Variants in HERPUD2 observed in about 807,000 individuals in gnomAD.
HERPUD2 encodes the protein HERPUD family member 2, also known as homocysteine-responsive endoplasmic reticulum-resident ubiquitin-like domain member 2 protein.
In HERPUD2, 13 loss-of-function variants were observed where a neutral mutation model predicts 49.9. That is an observed-to-expected ratio of 0.26 (90% CI 0.17 to 0.41). The LOEUF (loss-of-function observed/expected upper bound fraction) is 0.41. Among genes scored for constraint, HERPUD2 ranks in the 10% least tolerant of loss-of-function variants. HERPUD2 has a pLI of 1.00. For missense variants in HERPUD2, 449 were observed against 492.2 expected (o/e 0.91, Z 0.83); for synonymous variants, 172 against 171.4 (o/e 1.00, Z -0.03).
At chr7:35,668,426 T>C (rs547763345) in intron 4 of HERPUD2, 15 of 152,782 alleles carry the variant, frequency 9.8e-5, no homozygotes, top group Non-Finnish European at 1.8e-4. Flanking sequence ...AAGTGTTTCA[T>C]GTACATTTAA....
chr7:35,683,178 A>T (rs1785952664), intron 2 of HERPUD2, among the ~76,000 whole-genome samples: 1 of 152,208 alleles, frequency 6.6e-6, no homozygotes, highest in Non-Finnish European at 1.5e-5. Context: ...ACTATACTAC[A>T]AGGCCATAGT....
At chr7:35,692,643 T>A (rs891848251) in intron 2 of HERPUD2, among the ~76,000 whole-genome samples, 1 of 151,940 alleles carries the variant, frequency 6.6e-6, no homozygotes, top group African/African-American at 2.4e-5. Flanking sequence ...TTCCTCAGGG[T>A]TTTTTTTCCC....
chr7:35,672,984 C>A (rs188985552), intron 3 of HERPUD2, among the ~76,000 whole-genome samples: 1 of 152,098 alleles, frequency 6.6e-6, no homozygotes, highest in Non-Finnish European at 1.5e-5. Flanking sequence ...AATACATAAT[C>A]GTACTTCAGA....
Position 35,638,439 on chromosome 7 carries a change from A to G in HERPUD2, c.528T>C (p.Ala176=), listed in dbSNP as rs1488186618. 1.2e-6 allele frequency: 2 copies of G among 1,613,646 alleles called. No individual in the cohort carries two copies. Among genetic ancestry groups the G allele is most frequent in the Non-Finnish European group, 1.7e-6 (2 of 1,179,728 alleles). Residue 176 remains alanine, a synonymous_variant, in exon 6 of 9, where the codon GCT becomes GCC. Coordinates refer to ENST00000311350, the MANE Select transcript of HERPUD2 (RefSeq NM_022373.5). ...CGGGATACACTGGGAATCCAGGTGGAGCAGCTTGCCCAGGAAATTGGTTGT... is the reference window on the plus strand; with the variant it reads ...CGGGATACACTGGGAATCCAGGTGGGGCAGCTTGCCCAGGAAATTGGTTGT... ...NVDNQFPGQA[A]PPGFPVYPAF...
intron 5 of HERPUD2, among the ~76,000 whole-genome samples, chr7:35,650,827 T>C (rs1785150124): frequency 6.6e-6 from 1 of 152,156 alleles, no homozygotes; most frequent in African/African-American, 2.4e-5. Context: ...CCGAGCACTG[T>C]ACTGGAAGTC....
intron 5 of HERPUD2, among the ~76,000 whole-genome samples, chr7:35,650,175 C>T (rs968757634): frequency 2.6e-5 from 4 of 152,180 alleles, no homozygotes; most frequent in African/African-American, 9.7e-5. Flanking sequence ...GATGATCACA[C>T]TTCCAGTAGA....
chr7:35,640,078 T>C (rs777362984), intron 5 of HERPUD2, among the ~76,000 whole-genome samples: 5 of 152,190 alleles, frequency 3.3e-5, no homozygotes, highest in Non-Finnish European at 7.3e-5. Context: ...AAGATGTCAG[T>C]TAGTGAGCAA....
At position 35,633,962 on chromosome 7, in the gene HERPUD2, G is replaced by A. The variant is rs1784829688; in HGVS notation, c.1060-111C>T. On this transcript the variant is annotated intron_variant, in intron 8 of 8. Transcript: ENST00000311350. ...CAAAGGACTATGAAGTGGTATGTAT[G>A]TGGTCATTAGAAATCTTTAAGGCCA... 2.4e-5 allele frequency: 27 copies of A among 1,128,008 alleles called. No homozygotes were observed. The South Asian group carries it at 4.6e-4, about 19-fold the overall frequency. 69.9% of individuals were successfully genotyped at this position (1,128,008 alleles called of 1,614,324 possible).
At chr7:35,693,400 C>A (rs1387897877) in intron 2 of HERPUD2, among the ~76,000 whole-genome samples, 4 of 151,960 alleles carry the variant, frequency 2.6e-5, no homozygotes, top group African/African-American at 9.7e-5. Context: ...TATATAGTAA[C>A]CTTGAAAGTA....
chr7:35,651,019 G>A (rs553619628), intron 5 of HERPUD2, among the ~76,000 whole-genome samples: 1 of 152,218 alleles, frequency 6.6e-6, no homozygotes, highest in South Asian at 2.1e-4. Flanking sequence ...GAGGCCTGAG[G>A]ACCCAATCTG....
chr7:35,682,455 A>G (rs540438265), intron 2 of HERPUD2, among the ~76,000 whole-genome samples: 9 of 150,088 alleles, frequency 6.0e-5, no homozygotes, highest in Admixed American at 2.7e-4. Context: ...CACAGCCAAC[A>G]TAATACTGAA....
chr7:35,638,053 A>C (rs1296720779), intron 6 of HERPUD2, among the ~76,000 whole-genome samples: 1 of 152,176 alleles, frequency 6.6e-6, no homozygotes, highest in African/African-American at 2.4e-5. Context: ...TACTCATTTG[A>C]CTAACTCTTC....
chr7:35,670,371 A>C, intron 3 of HERPUD2, 43 bp from the exon 4 acceptor site: 1 of 938,634 alleles, frequency 1.1e-6, no homozygotes, highest in Non-Finnish European at 1.5e-6. Flanking sequence ...GTACTACAAA[A>C]TGTACAGTTC....
chr7:35,661,361 G>A (rs1761324066), intron 5 of HERPUD2, among the ~76,000 whole-genome samples: 1 of 152,134 alleles, frequency 6.6e-6, no homozygotes, highest in African/African-American at 2.4e-5. Flanking sequence ...TGGCAATGCG[G>A]GCTCTTTTTT....
At chr7:35,655,829 A>C (rs775623292) in intron 5 of HERPUD2, among the ~76,000 whole-genome samples, 1 of 152,190 alleles carries the variant, frequency 6.6e-6, no homozygotes, top group Non-Finnish European at 1.5e-5. Context: ...AAATACAAAA[A>C]TCAGTAACAT....
At chr7:35,687,993 A>T (rs1786101715) in intron 2 of HERPUD2, among the ~76,000 whole-genome samples, 1 of 152,188 alleles carries the variant, frequency 6.6e-6, no homozygotes, top group South Asian at 2.1e-4. Context: ...TTAATTAAAA[A>T]TTTTAAAATA....
At position 35,667,435 on chromosome 7, in the gene HERPUD2, C is replaced by G; in HGVS notation, c.493G>C (p.Gly165Arg). The stretch of plus-strand genomic sequence containing the variant: ...CATAGCTACCACAATTTCACTTACC[C>G]TTGCATTACATATGGAAACTGGTGA... ...QSHQFPYVMQ[G>R]NVDNQFPGQA... Residue 165 changes from glycine to arginine, a missense_variant and splice_region_variant, in exon 5 of 9, where the codon GGA (glycine) becomes CGA (arginine). Transcript: ENST00000311350. The G allele has an allele frequency of 6.2e-7, 1 of 1,610,304 alleles. No individual in the cohort carries two copies. The highest frequency in any genetic ancestry group is 8.5e-7 in the Non-Finnish European group (1 of 1,177,196).
At chr7:35,680,212 G>C (rs1785850307) in intron 2 of HERPUD2, among the ~76,000 whole-genome samples, 1 of 151,992 alleles carries the variant, frequency 6.6e-6, no homozygotes, top group Admixed American at 6.6e-5. Flanking sequence ...TTCAAGACCA[G>C]CCTGGGCAAC....
intron 5 of HERPUD2, among the ~76,000 whole-genome samples, chr7:35,666,738 A>G (rs147392593): frequency 4.6e-5 from 7 of 152,356 alleles, no homozygotes; most frequent in Admixed American, 1.3e-4. Context: ...TTCCTCTGGA[A>G]GTGCCTAACC....
Sources: gnomAD v4.1 joint callset for allele counts (sites outside exome capture counted in the v4.1 genomes callset) on GRCh38, gnomAD v4.1.1 for gene constraint, MANE v1.5 for transcripts, NCBI Gene and HGNC (gene_info 2026-07-23, HGNC 2026-07-21) for gene names.